CNNM2: variants seen among roughly 807,000 people sequenced by gnomAD.
The protein encoded by CNNM2 is cyclin and CBS domain divalent metal cation transport mediator 2.
A neutral mutation model predicts 66.9 loss-of-function variants in CNNM2; 12 were observed. The ratio of observed to expected loss-of-function variants is 0.18; its 90% CI spans 0.11 to 0.29. The LOEUF is 0.29. CNNM2 is among the 10% of genes least tolerant of loss of function. The pLI is 1.00. For synonymous variants in CNNM2, 557 were observed against 501.8 expected (o/e 1.11, Z -1.47); for missense variants, 705 against 1,167.7 (o/e 0.60, Z 5.77).
Position 103,038,650 on chromosome 10 carries a change from C to T in CNNM2, c.1622-11057C>T, listed in dbSNP as rs1011468509. 2.0e-5 allele frequency among the ~76,000 whole-genome samples: 3 copies of T among 152,156 alleles called. 1 individual carries two copies. The highest frequency in any genetic ancestry group is 4.4e-5 in the Non-Finnish European group (3 of 68,038). Reference sequence around the variant, plus strand: ...CATGATTCCATATTCCACCAGTCAGCCTCACTGGCAGACGCATTAGTTCAG... The same window carrying T: ...CATGATTCCATATTCCACCAGTCAGTCTCACTGGCAGACGCATTAGTTCAG... On this transcript the variant is annotated intron_variant, in intron 1 of 7. Transcript: ENST00000369878.
At chr10:103,069,305 G>A (rs542802614) in intron 5 of CNNM2, among the ~76,000 whole-genome samples, 5 of 152,254 alleles carry the variant, frequency 3.3e-5, no homozygotes, top group African/African-American at 1.2e-4. Context: ...TTGGGTGAAC[G>A]TGTGTGTCCA....
chr10:102,991,220 T>G (rs1356307067), intron 1 of CNNM2, among the ~76,000 whole-genome samples: 1 of 152,082 alleles, frequency 6.6e-6, no homozygotes, highest in Admixed American at 6.6e-5. Context: ...ACTCCTGACC[T>G]CAAGTGATCT....
intron 5 of CNNM2, among the ~76,000 whole-genome samples, chr10:103,070,310 G>GT (rs1268403058): frequency 2.6e-5 from 4 of 152,180 alleles, no homozygotes; most frequent in South Asian, 2.1e-4. Flanking sequence ...CAGGCAGGTC[G>GT]TGTGGTGTTG....
intron 1 of CNNM2, among the ~76,000 whole-genome samples, chr10:103,046,707 G>A (rs1240785629): frequency 1.3e-5 from 2 of 152,168 alleles, no homozygotes; most frequent in Admixed American, 6.5e-5. Flanking sequence ...GTCTAATCAA[G>A]CTAAAAGGAA....
intron 4 of CNNM2, among the ~76,000 whole-genome samples, chr10:103,065,988 G>C (rs2065470331): frequency 6.6e-6 from 1 of 152,234 alleles, no homozygotes; most frequent in East Asian, 1.9e-4. Context: ...CCTGCTGCCT[G>C]TCCCTCTCCT....
chr10:103,018,949 C>T (rs2064511840), intron 1 of CNNM2, among the ~76,000 whole-genome samples: 1 of 149,424 alleles, frequency 6.7e-6, no homozygotes, highest in Non-Finnish European at 1.5e-5. Context: ...AGCCGCTGTA[C>T]CTGGCCTGTT....
chr10:102,936,463 T>C (rs1414335045), intron 1 of CNNM2, among the ~76,000 whole-genome samples: 1 of 151,742 alleles, frequency 6.6e-6, no homozygotes, highest in East Asian at 1.9e-4. Context: ...ATCAGTCTGA[T>C]CCTTGAGGGT....
At chr10:102,995,154 C>T (rs1425083419) in intron 1 of CNNM2, among the ~76,000 whole-genome samples, 4 of 110,296 alleles carry the variant, frequency 3.6e-5, no homozygotes, top group Admixed American at 2.5e-4. Flanking sequence ...TCCTCCTCCC[C>T]CTCTTCCTCC....
At chr10:103,047,425 G>T (rs1405401720) in intron 1 of CNNM2, among the ~76,000 whole-genome samples, 1 of 152,170 alleles carries the variant, frequency 6.6e-6, no homozygotes, top group Non-Finnish European at 1.5e-5. Flanking sequence ...AATGTGGTGT[G>T]GTGCCCTGAA....
intron 1 of CNNM2, among the ~76,000 whole-genome samples, chr10:102,945,813 G>C (rs932842262): frequency 6.6e-6 from 1 of 151,792 alleles, no homozygotes; most frequent in Admixed American, 6.6e-5. Context: ...TTTTCCCTTT[G>C]GGTAATTGTT....
chr10:103,001,548 G>A (rs1380423793), intron 1 of CNNM2, among the ~76,000 whole-genome samples: 2 of 152,098 alleles, frequency 1.3e-5, no homozygotes, highest in Non-Finnish European at 2.9e-5. Flanking sequence ...AAAGAAAAGA[G>A]CTTATCTATT....
chr10:102,939,341 T>C (rs1034500296), intron 1 of CNNM2, among the ~76,000 whole-genome samples: 14 of 152,230 alleles, frequency 9.2e-5, no homozygotes, highest in African/African-American at 3.4e-4. Context: ...GAATAGCTAG[T>C]TACTTCCTTT....
chr10:103,023,180 C>T (rs2134289093), intron 1 of CNNM2, among the ~76,000 whole-genome samples: 1 of 152,316 alleles, frequency 6.6e-6, no homozygotes, highest in Admixed American at 6.5e-5. Flanking sequence ...GCTGGGATTA[C>T]AGGCATAAGC....
In CNNM2 at chr10:103,054,234, G is replaced by T. The variant is rs41287476; in HGVS notation, c.1766-95G>T. On this transcript the variant is annotated intron_variant, in intron 2 of 7. Coordinates refer to ENST00000369878, the MANE Select transcript of CNNM2 (RefSeq NM_017649.5). This position sits in a 1 kb window ranked among gnomAD's most constrained non-coding sequence, Gnocchi z 5.2. ...CGCCTGCATCTGGAAATACAGTCCA[G>T]CTCTTCCAATATATTTTGTCTTTTT... 3.0e-3 allele frequency: 4,172 copies of T among 1,391,378 alleles called. 14 individuals are homozygous for T. Among genetic ancestry groups the T allele is most frequent in the Non-Finnish European group, 3.7e-3 (3,783 of 1,017,022 alleles). The allele number at this position is 1,391,378 out of a possible 1,614,324, so 86.2% of individuals were successfully genotyped here.
At chr10:103,027,830 T>G (rs2134295988) in intron 1 of CNNM2, among the ~76,000 whole-genome samples, 1 of 152,338 alleles carries the variant, frequency 6.6e-6, no homozygotes, top group East Asian at 1.9e-4. Flanking sequence ...CAGGCACTAT[T>G]TAAATTGTTT....
At chr10:102,929,944 G>A (rs760994087) in intron 1 of CNNM2, among the ~76,000 whole-genome samples, 3 of 152,168 alleles carry the variant, frequency 2.0e-5, no homozygotes, top group Non-Finnish European at 4.4e-5. Flanking sequence ...AGTTTGTATT[G>A]CTTATAGCAG....
chr10:102,998,494 A>C (rs1227652193), intron 1 of CNNM2, among the ~76,000 whole-genome samples: 1 of 152,232 alleles, frequency 6.6e-6, no homozygotes, highest in East Asian at 1.9e-4. Flanking sequence ...AACAAATCTA[A>C]GGAACTAGAA....
At chr10:103,050,597 T>C (rs1321068074) in intron 2 of CNNM2, among the ~76,000 whole-genome samples, 1 of 151,932 alleles carries the variant, frequency 6.6e-6, no homozygotes, top group African/African-American at 2.4e-5. Flanking sequence ...TGTTTATACT[T>C]CCTTGTTCCA....
At chr10:103,021,246 C>A (rs1313092622) in intron 1 of CNNM2, among the ~76,000 whole-genome samples, 1 of 152,114 alleles carries the variant, frequency 6.6e-6, no homozygotes, top group Non-Finnish European at 1.5e-5. Flanking sequence ...CACAGCCTCC[C>A]TGACGAAGGA....
Sources: allele counts gnomAD v4.1 joint callset (sites outside exome capture counted in the v4.1 genomes callset), GRCh38; gene constraint gnomAD v4.1.1; non-coding constraint Gnocchi (gnomAD v3.1); transcripts MANE v1.5; gene names NCBI Gene and HGNC (gene_info 2026-07-23, HGNC 2026-07-21).